The following NFU1 variants were observed in gnomAD, a reference collection of about 807,000 sequenced individuals.
The protein encoded by NFU1 is NFU1 iron-sulfur cluster scaffold homolog, mitochondrial.
NFU1 carries 30 observed loss-of-function variants against 32.2 expected under a neutral mutation model. The observed-to-expected ratio is 0.93, with a 90% CI of 0.70 to 1.26. The LOEUF is 1.26. NFU1 is among the 50% of genes most tolerant of loss of function. NFU1 has a pLI of 0.00. For synonymous variants in NFU1, 112 were observed against 104.6 expected (o/e 1.07, Z -0.43); for missense variants, 306 against 306.6 (o/e 1.00, Z 0.02).
upstream of NFU1, among the ~76,000 whole-genome samples, chr2:69,439,215 C>G (rs1198836965): frequency 6.6e-6 from 1 of 152,170 alleles, no homozygotes; most frequent in Admixed American, 6.5e-5. Flanking sequence ...ATTCTTAGGG[C>G]CTGCTCTAGT....
chr2:69,397,151 A>G (rs761719961), intron 7 of NFU1, among the ~76,000 whole-genome samples: 17 of 152,018 alleles, frequency 1.1e-4, no homozygotes, highest in Non-Finnish European at 2.5e-4. Context: ...TTTCAAAACC[A>G]TCTTATTTAC....
intron 2 of NFU1, among the ~76,000 whole-genome samples, chr2:69,426,712 G>A (rs1306451230): frequency 2.6e-5 from 4 of 152,118 alleles, no homozygotes; most frequent in Non-Finnish European, 4.4e-5. Context: ...CTTGCAGGAC[G>A]AAAGGACGGC....
chr2:69,401,286 C>T (rs1672515232), intron 6 of NFU1, among the ~76,000 whole-genome samples: 1 of 152,176 alleles, frequency 6.6e-6, no homozygotes, highest in Non-Finnish European at 1.5e-5. Context: ...CTGCCATTAT[C>T]CTAATTCATA....
chr2:69,396,004 A>G (rs10170036), downstream of NFU1: 262,888 of 429,990 alleles, frequency 0.61, 82,968 homozygotes, highest in African/African-American at 0.86. Flanking sequence ...ATGCAAAGAA[A>G]GAGCCATGGG....
At chr2:69,404,137 C>A (rs1376221386) in intron 6 of NFU1, among the ~76,000 whole-genome samples, 1 of 151,330 alleles carries the variant, frequency 6.6e-6, no homozygotes, top group African/African-American at 2.4e-5. Flanking sequence ...CGCACCCGGC[C>A]TCCAATTAAT....
intron 4 of NFU1, among the ~76,000 whole-genome samples, chr2:69,416,793 G>T (rs991072316): frequency 3.9e-5 from 6 of 152,182 alleles, no homozygotes; most frequent in African/African-American, 1.4e-4. Context: ...AGCTACTAGG[G>T]AGGCCAAGGA....
intron 1 of NFU1, among the ~76,000 whole-genome samples, chr2:69,433,150 CAA>C (rs762607918): frequency 0.011 from 1,106 of 98,334 alleles, 15 homozygotes; most frequent in African/African-American, 0.038. Context: ...ACTCCATCTC[CAA>C]AAAAAAAAAA....
At chr2:69,428,223 G>A (rs1673529558) in intron 2 of NFU1, among the ~76,000 whole-genome samples, 1 of 151,882 alleles carries the variant, frequency 6.6e-6, no homozygotes. Context: ...TCAGGAGTTC[G>A]AGAACAGCCT....
At chr2:69,421,629 G>A (rs1385774987) in intron 3 of NFU1, among the ~76,000 whole-genome samples, 3 of 139,890 alleles carry the variant, frequency 2.1e-5, no homozygotes, top group Admixed American at 7.7e-5. Flanking sequence ...ATGCAGTGGC[G>A]CTATCTCGGC....
At chr2:69,402,815 T>G (rs950043365) in intron 6 of NFU1, among the ~76,000 whole-genome samples, 1 of 151,796 alleles carries the variant, frequency 6.6e-6, no homozygotes. Context: ...ACTCCCAACC[T>G]CAGATGATCC....
intron 2 of NFU1, among the ~76,000 whole-genome samples, chr2:69,425,428 C>T (rs1673420337): frequency 6.6e-6 from 1 of 151,238 alleles, no homozygotes; most frequent in African/African-American, 2.4e-5. Flanking sequence ...AATCGTGGCT[C>T]ACTGCAACCT....
chr2:69,427,042 A>T (rs1188661287), intron 2 of NFU1, among the ~76,000 whole-genome samples: 2 of 146,670 alleles, frequency 1.4e-5, no homozygotes, highest in African/African-American at 5.2e-5. Flanking sequence ...CCTGGGCAAT[A>T]GAGAGAGACT....
intron 6 of NFU1, among the ~76,000 whole-genome samples, chr2:69,403,033 CTCTT>C (rs1176604294): frequency 8.7e-5 from 13 of 148,988 alleles, no homozygotes; most frequent in South Asian, 4.4e-4. Context: ...CCCTCCCTCT[CTCTT>C]TCTTTCTCTT....
chr2:69,406,351 T>C (rs997863998), intron 5 of NFU1, among the ~76,000 whole-genome samples: 1 of 152,118 alleles, frequency 6.6e-6, no homozygotes, highest in African/African-American at 2.4e-5. Flanking sequence ...GCTAATGATG[T>C]TAGGGTATGA....
At chr2:69,424,922 G>A (rs1242563813) in intron 2 of NFU1, among the ~76,000 whole-genome samples, 1 of 149,438 alleles carries the variant, frequency 6.7e-6, no homozygotes, top group Non-Finnish European at 1.5e-5. Context: ...TGTCGCCCAG[G>A]CTGGAGTGCA....
At chr2:69,398,065 C>T (rs1440013720) in intron 7 of NFU1, among the ~76,000 whole-genome samples, 2 of 151,994 alleles carry the variant, frequency 1.3e-5, no homozygotes, top group African/African-American at 2.4e-5. Flanking sequence ...CAACAATACC[C>T]AATCCAAAAA....
Position 69,400,431 on chromosome 2 carries a change from A to G in NFU1, c.653T>C (p.Ile218Thr), listed in dbSNP as rs1574108856. The change falls in exon 7 of 8, where the codon ATT becomes ACT. Residue 218 changes from isoleucine (I) to threonine (T), a missense_variant. Ile to Thr is a moderately conservative substitution (Grantham distance 89, BLOSUM62 -1). Transcript: ENST00000410022. ...GTTCTGAATTCCATTTTTCAGAGTA[A>G]TGATTGAACTAGGGCAGCTGGTACA... ...GSCTSCPSSI[I>T]TLKNGIQNML... The G allele has an allele frequency of 6.2e-7, 1 of 1,614,158 alleles. No individual in the cohort carries two copies. Among genetic ancestry groups the G allele is most frequent in the Non-Finnish European group, 8.5e-7 (1 of 1,180,008 alleles).
intron 1 of NFU1, among the ~76,000 whole-genome samples, chr2:69,434,072 C>G (rs1673744741): frequency 6.8e-6 from 1 of 147,194 alleles, no homozygotes; most frequent in African/African-American, 2.5e-5. Flanking sequence ...CGTGAGCCAC[C>G]ATGCCCTGCC....
intron 7 of NFU1, among the ~76,000 whole-genome samples, chr2:69,397,503 A>G (rs1055891780): frequency 2.2e-4 from 34 of 152,240 alleles, no homozygotes; most frequent in Admixed American, 2.2e-3. Flanking sequence ...CCAATTCATC[A>G]CCCTACCCTG....
Sources: allele counts gnomAD v4.1 joint callset (sites outside exome capture counted in the v4.1 genomes callset), GRCh38; gene constraint gnomAD v4.1.1; transcripts MANE v1.5; gene names NCBI Gene and HGNC (gene_info 2026-07-23, HGNC 2026-07-21).